The following PPFIA2 variants were observed in gnomAD, a reference collection of about 807,000 sequenced individuals.
PPFIA2 encodes the protein PPFI scaffold protein A2, also known as liprin-alpha-2.
A neutral mutation model predicts 175.5 loss-of-function variants in PPFIA2; 46 were observed. The observed-to-expected ratio is 0.26, with a 90% CI of 0.21 to 0.34. The LOEUF (loss-of-function observed/expected upper bound fraction) is 0.34. Ranked by LOEUF, PPFIA2 falls within the 10% of genes least tolerant of loss-of-function variation. The probability of loss-of-function intolerance (pLI) is 1.00; values close to 1 mark genes in which losing one functional copy is unlikely to be tolerated. For synonymous variants in PPFIA2, 568 were observed against 511.4 expected, an observed-to-expected ratio of 1.11 and a Z score of -1.49; for missense variants, 1,179 against 1,506.1, an observed-to-expected ratio of 0.78 and a Z score of 3.60.
At chr12:81,524,378 A>T (rs2063504250) in intron 4 of PPFIA2, among the ~76,000 whole-genome samples, 1 of 152,156 alleles carries the variant, frequency 6.6e-6, no homozygotes, top group South Asian at 2.1e-4. Flanking sequence ...CCACAAGGAG[A>T]CCTCTGCCCC....
At chr12:81,314,163 G>A (rs11114821) in intron 22 of PPFIA2, among the ~76,000 whole-genome samples, 1 of 151,668 alleles carries the variant, frequency 6.6e-6, no homozygotes, top group Non-Finnish European at 1.5e-5. Flanking sequence ...AATGTGTTCT[G>A]CAAAAGACAA....
intron 3 of PPFIA2, among the ~76,000 whole-genome samples, chr12:81,731,901 T>C (rs1313234441): frequency 1.3e-5 from 2 of 151,628 alleles, no homozygotes; most frequent in Non-Finnish European, 3.0e-5. Context: ...CTATCAATTC[T>C]GGTTCTGATT....
At chr12:81,280,651 C>G (rs2041878137) in intron 27 of PPFIA2, among the ~76,000 whole-genome samples, 1 of 151,904 alleles carries the variant, frequency 6.6e-6, no homozygotes, top group Admixed American at 6.6e-5. Flanking sequence ...ATAACAGACC[C>G]CTTTTTATCT....
intron 4 of PPFIA2, among the ~76,000 whole-genome samples, chr12:81,511,942 A>G (rs1364291241): frequency 6.6e-6 from 1 of 152,080 alleles, no homozygotes; most frequent in Non-Finnish European, 1.5e-5. Context: ...TGAAAAAAAA[A>G]AAGATAATAG....
At chr12:81,574,137 C>T (rs1371521039) in intron 4 of PPFIA2, among the ~76,000 whole-genome samples, 1 of 151,800 alleles carries the variant, frequency 6.6e-6, no homozygotes, top group Admixed American at 6.6e-5. Flanking sequence ...TTTCTGTAGA[C>T]ACCCAGGAGA....
chr12:81,741,288 G>A (rs7958657), intron 3 of PPFIA2, among the ~76,000 whole-genome samples: 25,940 of 152,060 alleles, frequency 0.17, 2,681 homozygotes, highest in Middle Eastern at 0.29. Flanking sequence ...CATAAGGCTC[G>A]ATGAATTATA....
intron 7 of PPFIA2, among the ~76,000 whole-genome samples, chr12:81,427,181 T>A (rs150842781): frequency 2.0e-4 from 30 of 152,150 alleles, no homozygotes; most frequent in African/African-American, 7.0e-4. Context: ...ATGAGGAAAC[T>A]ATACCAGTTT....
intron 7 of PPFIA2, among the ~76,000 whole-genome samples, chr12:81,415,193 AAAAAAAAAAAAAAAAAAATATATATAT>A (rs2044758665): frequency 2.1e-5 from 1 of 48,318 alleles, no homozygotes; most frequent in African/African-American, 8.2e-5. Flanking sequence ...AAAAAAAAAA[AAAAAAAAAAAAAAAAAAATATATATAT>A]ATATATATAT....
chr12:81,265,602 T>C (rs1376908231), intron 30 of PPFIA2, among the ~76,000 whole-genome samples: 3 of 152,092 alleles, frequency 2.0e-5, no homozygotes, highest in Non-Finnish European at 4.4e-5. Context: ...AAAAATAAAA[T>C]AAAATTGAAC....
chr12:81,307,452 C>T (rs2049557909), intron 22 of PPFIA2, among the ~76,000 whole-genome samples: 1 of 152,150 alleles, frequency 6.6e-6, no homozygotes, highest in African/African-American at 2.4e-5. Context: ...TAACTTCCAA[C>T]TGTTCATTGC....
chr12:81,290,306 A>G lies in PPFIA2; in HGVS notation c.2925+4529T>C, dbSNP rs1371864168. Among the ~76,000 whole-genome samples the G allele has an allele frequency of 2.0e-5, 3 of 151,922 alleles. No homozygotes were observed. The East Asian group carries it at 5.8e-4, about 29-fold the overall frequency. ...GTTTTGTAAGTGTGAATTCTAATAC[A>G]TAATGTTAGGTTATGACTTTATGTA... On this transcript the variant is annotated intron_variant, in intron 24 of 32. Transcript: ENST00000549396.
intron 4 of PPFIA2, among the ~76,000 whole-genome samples, chr12:81,666,195 C>T (rs549020703): frequency 1.3e-5 from 2 of 152,282 alleles, no homozygotes; most frequent in South Asian, 2.1e-4. Flanking sequence ...TTGTGGAATT[C>T]AGTGTGGCGA....
At chr12:81,589,548 G>A (rs2058433234) in intron 4 of PPFIA2, among the ~76,000 whole-genome samples, 1 of 152,050 alleles carries the variant, frequency 6.6e-6, no homozygotes, top group South Asian at 2.1e-4. Context: ...AAGTTATGGA[G>A]ACAAATTTCT....
At chr12:81,707,999 A>C in intron 3 of PPFIA2, among the ~76,000 whole-genome samples, 1 of 133,334 alleles carries the variant, frequency 7.5e-6, no homozygotes, top group South Asian at 2.5e-4. Flanking sequence ...AGGAAGGGGA[A>C]CATCACACTC....
chr12:81,527,464 C>T (rs2153275236), intron 4 of PPFIA2, among the ~76,000 whole-genome samples: 1 of 152,148 alleles, frequency 6.6e-6, no homozygotes, highest in Non-Finnish European at 1.5e-5. Context: ...AGCCTTCTGA[C>T]TAATCTTAGC....
At chr12:81,412,620 T>A (rs1260892116) in intron 7 of PPFIA2, among the ~76,000 whole-genome samples, 1 of 151,942 alleles carries the variant, frequency 6.6e-6, no homozygotes, top group Non-Finnish European at 1.5e-5. Flanking sequence ...AGTGAAACAT[T>A]CCTTAAATAT....
chr12:81,678,305 C>T (rs1334896662), intron 3 of PPFIA2, among the ~76,000 whole-genome samples: 4 of 151,812 alleles, frequency 2.6e-5, no homozygotes, highest in African/African-American at 9.7e-5. Flanking sequence ...ACTTATGCTA[C>T]TAATTCACTT....
chr12:81,531,766 G>A (rs1405559829), intron 4 of PPFIA2, among the ~76,000 whole-genome samples: 3 of 151,628 alleles, frequency 2.0e-5, no homozygotes, highest in East Asian at 3.9e-4. Context: ...TTAAACAAGA[G>A]AGCAACACAG....
At chr12:81,707,760 T>G (rs2077379106) in intron 3 of PPFIA2, among the ~76,000 whole-genome samples, 1 of 151,444 alleles carries the variant, frequency 6.6e-6, no homozygotes, top group Non-Finnish European at 1.5e-5. Context: ...TAGCAAAGAC[T>G]TGGAACCAAT....
Sources: gnomAD v4.1 joint callset for allele counts (sites outside exome capture counted in the v4.1 genomes callset) on GRCh38, gnomAD v4.1.1 for gene constraint, MANE v1.5 for transcripts, NCBI Gene and HGNC (gene_info 2026-07-23, HGNC 2026-07-21) for gene names.